The following LRRC7 variants were observed in gnomAD, a reference collection of about 807,000 sequenced individuals.
The protein encoded by LRRC7 is leucine rich repeat containing 7.
Under a neutral mutation model 175.7 loss-of-function variants are expected in LRRC7, and 23 were observed. That is an observed-to-expected ratio of 0.13 (90% CI 0.09 to 0.19). The LOEUF is 0.19. Ranked by LOEUF, LRRC7 falls within the 10% of genes least tolerant of loss-of-function variation. The pLI is 1.00. For missense variants in LRRC7, 1,354 were observed against 1,904.7 expected (o/e 0.71, Z 5.38); for synonymous variants, 685 against 680.9 (o/e 1.01, Z -0.09).
At chr1:69,822,486 G>A (rs903367685) in intron 4 of LRRC7, among the ~76,000 whole-genome samples, 4 of 152,186 alleles carry the variant, frequency 2.6e-5, no homozygotes, top group African/African-American at 9.7e-5. Context: ...TCTTTGTTAA[G>A]TTTTGAACAT....
At chr1:69,755,716 T>A (rs1290725008) in intron 2 of LRRC7, among the ~76,000 whole-genome samples, 1 of 151,850 alleles carries the variant, frequency 6.6e-6, no homozygotes, top group South Asian at 2.1e-4. Context: ...AGACTTAGTA[T>A]TGAAAATAGG....
intron 3 of LRRC7, among the ~76,000 whole-genome samples, chr1:69,789,656 T>C (rs1167918450): frequency 6.6e-6 from 1 of 152,060 alleles, no homozygotes; most frequent in Non-Finnish European, 1.5e-5. Context: ...AGCTGGAATA[T>C]AGCACTCTCT....
At chr1:69,955,770 T>C (rs1209994025) in intron 8 of LRRC7, among the ~76,000 whole-genome samples, 1 of 151,886 alleles carries the variant, frequency 6.6e-6, no homozygotes, top group African/African-American at 2.4e-5. Context: ...AGCAAAACAA[T>C]TGAGCATGTA....
Position 70,122,290 on chromosome 1 carries a change from A to C in LRRC7, c.*403A>C, listed in dbSNP as rs1666250739. 1 of 153,978 alleles carries C rather than the reference A, an allele frequency of 6.5e-6. No individual in the cohort carries two copies. Among genetic ancestry groups the C allele is most frequent in the African/African-American group, 2.4e-5 (1 of 41,486 alleles). 9.5% of individuals were successfully genotyped at this position (153,978 alleles called of 1,614,324 possible). ...CCTTTATATAGAAAATACAAATATA[A>C]AGAATTGTAATTCCCATAAAATATT... On this transcript the variant is annotated 3_prime_UTR_variant, in exon 27 of 27. Transcript: ENST00000651989.
intron 2 of LRRC7, among the ~76,000 whole-genome samples, chr1:69,702,862 G>A (rs946855489): frequency 2.6e-5 from 4 of 152,110 alleles, no homozygotes; most frequent in South Asian, 4.1e-4. Flanking sequence ...TAGCCATAAG[G>A]ACTTTTATGT....
chr1:69,917,312 T>C (rs1179373586), intron 7 of LRRC7, among the ~76,000 whole-genome samples: 1 of 152,098 alleles, frequency 6.6e-6, no homozygotes, highest in Non-Finnish European at 1.5e-5. Flanking sequence ...CAGCTATTTG[T>C]ATAGGGAAAT....
chr1:69,621,186 A>G (rs1650521152), intron 1 of LRRC7, among the ~76,000 whole-genome samples: 1 of 152,028 alleles, frequency 6.6e-6, no homozygotes, highest in Admixed American at 6.6e-5. Context: ...CTGGGATTAC[A>G]GGCATGTGCC....
intron 4 of LRRC7, among the ~76,000 whole-genome samples, chr1:69,795,768 T>A (rs1675663431): frequency 6.6e-6 from 1 of 152,138 alleles, no homozygotes; most frequent in Admixed American, 6.5e-5. Flanking sequence ...ATTTTTCATG[T>A]CCAATTCTAC....
At chr1:69,818,933 G>A (rs1678910558) in intron 4 of LRRC7, among the ~76,000 whole-genome samples, 1 of 152,010 alleles carries the variant, frequency 6.6e-6, no homozygotes, top group Non-Finnish European at 1.5e-5. Flanking sequence ...AGTAACAGTT[G>A]TAGTGTCTTC....
At chr1:69,680,680 ATT>A (rs765359448) in intron 2 of LRRC7, among the ~76,000 whole-genome samples, 1 of 145,848 alleles carries the variant, frequency 6.9e-6, no homozygotes, top group Non-Finnish European at 1.5e-5. Context: ...AAAAGCCACA[ATT>A]TTTTTTTTTT....
In LRRC7 at chr1:70,143,072, CTTTT is replaced by C. The variant is rs1667138670; in HGVS notation, c.*21187_*21190del. 1 of 151,830 alleles carries C rather than the reference CTTTT, an allele frequency of 6.6e-6. No homozygotes were observed. Among genetic ancestry groups the C allele is most frequent in the African/African-American group, 2.4e-5 (1 of 41,338 alleles). The allele number at this position is 151,830 out of a possible 1,614,324, so 9.4% of individuals were successfully genotyped here. On this transcript the variant is annotated 3_prime_UTR_variant, in exon 27 of 27. Coordinates refer to ENST00000651989, the MANE Select transcript of LRRC7 (RefSeq NM_001370785.2). ...TGCCAAACACACACACATAAATTTT[CTTTT>C]TCTCATTTCAGCTCATATAATTCAG...
At chr1:69,755,523 GT>G (rs1392227208) in intron 2 of LRRC7, among the ~76,000 whole-genome samples, 2 of 150,692 alleles carry the variant, frequency 1.3e-5, no homozygotes, top group African/African-American at 2.4e-5. Context: ...TAAATGCAAT[GT>G]ATATCTACAT....
At chr1:69,723,629 A>G (rs1666607957) in intron 2 of LRRC7, among the ~76,000 whole-genome samples, 1 of 152,184 alleles carries the variant, frequency 6.6e-6, no homozygotes, top group South Asian at 2.1e-4. Flanking sequence ...ACAGTGGTAG[A>G]AAAATATCTT....
chr1:69,643,285 AAC>A (rs1324067870), intron 1 of LRRC7, among the ~76,000 whole-genome samples: 1 of 152,070 alleles, frequency 6.6e-6, no homozygotes, highest in Non-Finnish European at 1.5e-5. Context: ...TACCCACACA[AAC>A]ACACAGAGAA....
At chr1:70,077,276 T>A (rs1662851579) in intron 24 of LRRC7, among the ~76,000 whole-genome samples, 1 of 152,174 alleles carries the variant, frequency 6.6e-6, no homozygotes, top group Non-Finnish European at 1.5e-5. Context: ...GATTACGTAC[T>A]AATCATTCTC....
intron 7 of LRRC7, among the ~76,000 whole-genome samples, chr1:69,907,207 C>G (rs1277169234): frequency 1.3e-5 from 2 of 152,182 alleles, no homozygotes; most frequent in Non-Finnish European, 2.9e-5. Context: ...CATCTGCAAA[C>G]AGGGACAATT....
chr1:69,995,071 CTT>C (rs1158354796), intron 11 of LRRC7, among the ~76,000 whole-genome samples: 1 of 152,046 alleles, frequency 6.6e-6, no homozygotes, highest in Non-Finnish European at 1.5e-5. Context: ...TTTATAGAAT[CTT>C]AACGTATTTT....
intron 1 of LRRC7, among the ~76,000 whole-genome samples, chr1:69,667,978 T>G (rs1159770741): frequency 6.6e-6 from 1 of 152,056 alleles, no homozygotes; most frequent in Admixed American, 6.6e-5. Context: ...ACCCATTGTA[T>G]GTTTTTTTTT....
At chr1:69,924,733 T>C (rs1647006027) in intron 7 of LRRC7, among the ~76,000 whole-genome samples, 1 of 152,246 alleles carries the variant, frequency 6.6e-6, no homozygotes, top group Non-Finnish European at 1.5e-5. Context: ...TATACAATCA[T>C]GTCATCTGCA....
Sources: gnomAD v4.1 joint callset for allele counts (sites outside exome capture counted in the v4.1 genomes callset) on GRCh38, gnomAD v4.1.1 for gene constraint, MANE v1.5 for transcripts, NCBI Gene and HGNC (gene_info 2026-07-23, HGNC 2026-07-21) for gene names.